Variants in SERPINB8 observed in about 807,000 individuals in gnomAD.
SERPINB8 encodes the protein serpin B8.
In SERPINB8, 25 loss-of-function variants were observed where a neutral mutation model predicts 35.3. The observed-to-expected ratio is 0.71, with a 90% CI of 0.52 to 0.99. The LOEUF is 0.99. Ranked by LOEUF, SERPINB8 falls within the 50% of genes least tolerant of loss-of-function variation. The probability of loss-of-function intolerance (pLI) is 0.00; values close to 1 mark genes in which losing one functional copy is unlikely to be tolerated. For missense variants in SERPINB8, 484 were observed against 446.5 expected (o/e 1.08, Z -0.76); for synonymous variants, 186 against 160.8 (o/e 1.16, Z -1.19).
In SERPINB8 at chr18:64,002,372, G is replaced by C. The variant is rs569187529; in HGVS notation, c.71-2447G>C. ...TACATGTAAGAAATAAAGACCCAAG[G>C]CTCCTCCCTACTCTGAAATAGGAGT... is the stretch of plus-strand genomic sequence containing the variant. On this transcript the variant is annotated intron_variant, in intron 1 of 1. Coordinates refer to the SERPINB8 transcript ENST00000493661. Among the ~76,000 whole-genome samples the C allele has an allele frequency of 7.9e-5, 12 of 152,100 alleles. 1 individual carries two copies. The South Asian group carries it at 2.3e-3, about 29-fold the overall frequency.
At chr18:64,012,077 TAA>T (rs1392055473) in intron 7 of SERPINB8, among the ~76,000 whole-genome samples, 2 of 152,178 alleles carry the variant, frequency 1.3e-5, no homozygotes, top group African/African-American at 4.8e-5. Context: ...CGTAACTATT[TAA>T]AAGAGTCAGA....
chr18:64,003,586 A>G (rs1260261602), intron 1 of SERPINB8, among the ~76,000 whole-genome samples: 1 of 151,234 alleles, frequency 6.6e-6, no homozygotes, highest in African/African-American at 2.4e-5. Flanking sequence ...GGCTCATGCA[A>G]TTACGGAAAC....
At chr18:63,991,865 C>T (rs989953301), downstream of SERPINB8, among the ~76,000 whole-genome samples, 6 of 152,086 alleles carry the variant, frequency 3.9e-5, no homozygotes, top group Non-Finnish European at 8.8e-5. Flanking sequence ...GTGTTTATAT[C>T]AGGAATAGAT....
chr18:63,977,345 G>A (rs1402723812), intron 1 of SERPINB8, among the ~76,000 whole-genome samples: 1 of 149,680 alleles, frequency 6.7e-6, no homozygotes, highest in Non-Finnish European at 1.5e-5. Flanking sequence ...TTTTTTTCCT[G>A]AGATGGAGTC....
At chr18:63,994,846 T>C (rs1198118094) in intron 1 of SERPINB8, among the ~76,000 whole-genome samples, 1 of 152,116 alleles carries the variant, frequency 6.6e-6, no homozygotes, top group Non-Finnish European at 1.5e-5. Context: ...CAAGCCCAGG[T>C]AAACCTCATA....
At chr18:64,003,609 A>G (rs578209413) in intron 1 of SERPINB8, among the ~76,000 whole-genome samples, 2 of 152,044 alleles carry the variant, frequency 1.3e-5, no homozygotes, top group African/African-American at 4.8e-5. Context: ...AGAAGTGCTA[A>G]GATCTGCAGT....
Position 63,979,922 on chromosome 18 carries a change from C to T in SERPINB8, c.290C>T (p.Thr97Met), listed in dbSNP as rs745367385. The T allele has an allele frequency of 3.1e-6, 5 of 1,613,854 alleles. No individual in the cohort carries two copies. Among genetic ancestry groups the T allele is most frequent in the African/African-American group, 2.7e-5 (2 of 74,882 alleles). Residue 97 changes from threonine (T) to methionine (M), a missense_variant, in exon 3 of 7, where the codon ACG (threonine) becomes ATG (methionine). Physicochemically the swap from Thr to Met is moderately conservative, Grantham distance 81 (BLOSUM62 -1). Transcript: ENST00000397985. ...RTANRLFGEK[T>M]CDFLPDFKEY... ...GCCAACAGACTCTTTGGAGAAAAGACGTGTGATTTCCTTCCAGTAAGTAGT... is the reference window on the plus strand; with the variant it reads ...GCCAACAGACTCTTTGGAGAAAAGATGTGTGATTTCCTTCCAGTAAGTAGT...
chr18:64,010,894 T>C (rs1422643966), intron 7 of SERPINB8, among the ~76,000 whole-genome samples: 2 of 152,004 alleles, frequency 1.3e-5, no homozygotes, highest in Admixed American at 6.6e-5. Context: ...TGATCTTCTG[T>C]TTCTTAAGCT....
At chr18:64,016,942 A>G (rs1335339555) in intron 7 of SERPINB8, among the ~76,000 whole-genome samples, 1 of 152,074 alleles carries the variant, frequency 6.6e-6, no homozygotes, top group Non-Finnish European at 1.5e-5. Flanking sequence ...CTGCCAAGGT[A>G]TGAAAAGAGA....
chr18:63,995,371 T>C (rs1464988017), intron 1 of SERPINB8, among the ~76,000 whole-genome samples: 1 of 152,144 alleles, frequency 6.6e-6, no homozygotes, highest in African/African-American at 2.4e-5. Context: ...ATGCTGAACA[T>C]CTGTGCACTG....
chr18:64,010,577 A>G (rs2050921679), downstream of SERPINB8, among the ~76,000 whole-genome samples: 2 of 152,164 alleles, frequency 1.3e-5, no homozygotes, highest in African/African-American at 4.8e-5. Flanking sequence ...AGCACTATTC[A>G]TATAGAACAC....
intron 6 of SERPINB8, among the ~76,000 whole-genome samples, chr18:63,986,103 T>C (rs1353376139): frequency 6.6e-6 from 1 of 152,122 alleles, no homozygotes; most frequent in Non-Finnish European, 1.5e-5. Flanking sequence ...TTGTGGCCAC[T>C]TATGAGAAAA....
rs188621904 is a variant in SERPINB8, at chr18:64,018,142, A to G, written c.*3-768A>G. On this transcript the variant is annotated intron_variant, in intron 7 of 7. Transcript: ENST00000636430. Reference sequence around the variant, plus strand: ...AAATGACAACTTTTTTATTTTAAAGAAGTACTTTCAGGTTAACTTGGAATG... The same window carrying G: ...AAATGACAACTTTTTTATTTTAAAGGAGTACTTTCAGGTTAACTTGGAATG... Among the ~76,000 whole-genome samples, 447 of 152,370 alleles carry G rather than the reference A, an allele frequency of 2.9e-3. 3 individuals carry two copies. Among genetic ancestry groups the G allele is most frequent in the Middle Eastern group, 0.02 (6 of 294 alleles).
intron 7 of SERPINB8, among the ~76,000 whole-genome samples, chr18:64,010,997 T>A (rs747208280): frequency 1.8e-4 from 28 of 151,852 alleles, no homozygotes; most frequent in Non-Finnish European, 1.2e-4. Flanking sequence ...ATGAGCATGA[T>A]ATATTTCACA....
At chr18:63,999,981 C>T (rs1475043607) in intron 1 of SERPINB8, among the ~76,000 whole-genome samples, 1 of 152,086 alleles carries the variant, frequency 6.6e-6, no homozygotes, top group African/African-American at 2.4e-5. Flanking sequence ...AACAACACTA[C>T]CTTAGTTTTG....
At chr18:63,986,512 C>T in intron 6 of SERPINB8, 1 of 1,344,944 alleles carries the variant, frequency 7.4e-7, no homozygotes, top group Non-Finnish European at 9.5e-7. Flanking sequence ...GTCAAACAAT[C>T]TCTCCCACTC....
chr18:63,981,924 A>G (rs1244219912), intron 4 of SERPINB8, 86 bp downstream of exon 4: 6 of 893,336 alleles, frequency 6.7e-6, no homozygotes, highest in Non-Finnish European at 8.9e-6. Context: ...GGGTGTTGCC[A>G]CTGTGACCTG....
At chr18:64,005,160 C>A (rs961953454) in exon 2 of SERPINB8, 5 of 269,538 alleles carry the variant, frequency 1.9e-5, no homozygotes, top group Non-Finnish European at 3.4e-5. Flanking sequence ...GAAATACCAC[C>A]ACAACTCTAC....
chr18:64,018,294 TA>T (rs1480714773), intron 7 of SERPINB8, among the ~76,000 whole-genome samples: 1 of 152,100 alleles, frequency 6.6e-6, no homozygotes, highest in African/African-American at 2.4e-5. Context: ...TAATTAAAAA[TA>T]AAAAGCCTCA....
Sources: allele counts gnomAD v4.1 joint callset (sites outside exome capture counted in the v4.1 genomes callset), GRCh38; gene constraint gnomAD v4.1.1; transcripts MANE v1.5; gene names NCBI Gene and HGNC (gene_info 2026-07-23, HGNC 2026-07-21).